The following PDE1C variants were observed in gnomAD, a reference collection of about 807,000 sequenced individuals.
PDE1C encodes the protein dual specificity calcium/calmodulin-dependent 3',5'-cyclic nucleotide phosphodiesterase 1C.
Under a neutral mutation model 93.1 loss-of-function variants are expected in PDE1C, and 62 were observed. The ratio of observed to expected loss-of-function variants is 0.67; its 90% CI spans 0.54 to 0.82. The LOEUF is 0.82. Among genes scored for constraint, PDE1C ranks in the 40% least tolerant of loss-of-function variants. The pLI is 0.00. For missense variants in PDE1C, 742 were observed against 884.6 expected (o/e 0.84, Z 2.04); for synonymous variants, 325 against 310.1 (o/e 1.05, Z -0.50).
chr7:32,138,001 A>G (rs1342528362), intron 3 of PDE1C, among the ~76,000 whole-genome samples: 1 of 152,136 alleles, frequency 6.6e-6, no homozygotes, highest in Non-Finnish European at 1.5e-5. Context: ...TTATTTTTGT[A>G]TTTTACAACT....
At chr7:31,642,222 G>T in the PDE1C span, 1 of 1,559,478 alleles carries the variant, frequency 6.4e-7, no homozygotes, top group Non-Finnish European at 8.7e-7. Flanking sequence ...ACAGCAGCGG[G>T]TTCCTGGAGG....
chr7:32,149,798 A>T (rs766286107), intron 3 of PDE1C, among the ~76,000 whole-genome samples: 2 of 152,190 alleles, frequency 1.3e-5, no homozygotes, highest in Non-Finnish European at 2.9e-5. Context: ...TTCCATGTGC[A>T]TGTATCACTT....
chr7:31,742,996 A>C, the PDE1C span, among the ~76,000 whole-genome samples: 3 of 152,124 alleles, frequency 2.0e-5, no homozygotes, highest in Admixed American at 6.5e-5. Flanking sequence ...TCCCAAGTTC[A>C]TAACAAATCT....
At chr7:32,229,346 T>A (rs1051850077) in intron 1 of PDE1C, among the ~76,000 whole-genome samples, 8 of 152,204 alleles carry the variant, frequency 5.3e-5, no homozygotes, top group Non-Finnish European at 1.0e-4. Context: ...GGAGCACTTG[T>A]CACATCATAG....
the PDE1C span, among the ~76,000 whole-genome samples, chr7:31,701,874 G>A: frequency 6.6e-6 from 1 of 152,348 alleles, no homozygotes; most frequent in East Asian, 1.9e-4. Flanking sequence ...TTCACATTTA[G>A]TAGGCTACAG....
rs375351662 is a variant in PDE1C at position 31,792,501 on chromosome 7, A to G, written c.1891+16530T>C. 2.7e-3 allele frequency among the ~76,000 whole-genome samples: 418 copies of G among 152,250 alleles called. 4 individuals are homozygous for G. The highest frequency in any genetic ancestry group is 9.5e-3 in the African/African-American group (394 of 41,550). On this transcript the variant is annotated intron_variant, in intron 16 of 17. Transcript: ENST00000396191. ...TTTAAAAGAAAATAATAAACACACCAATTATATATTTTATTCAATAGTAAG... is the reference window on the plus strand; with the variant it reads ...TTTAAAAGAAAATAATAAACACACCGATTATATATTTTATTCAATAGTAAG...
chr7:31,829,535 A>G (rs1206093554), intron 11 of PDE1C, among the ~76,000 whole-genome samples: 1 of 152,166 alleles, frequency 6.6e-6, no homozygotes, highest in Non-Finnish European at 1.5e-5. Flanking sequence ...CTTCTAAGGC[A>G]TGCTACCAAA....
At chr7:32,176,613 AAAT>A (rs1803006895) in intron 2 of PDE1C, among the ~76,000 whole-genome samples, 1 of 152,238 alleles carries the variant, frequency 6.6e-6, no homozygotes, top group Non-Finnish European at 1.5e-5. Context: ...TTATAATGGA[AAAT>A]AATGATTAAT....
intron 2 of PDE1C, among the ~76,000 whole-genome samples, chr7:32,049,582 C>T (rs1029521490): frequency 1.3e-5 from 2 of 152,106 alleles, no homozygotes; most frequent in Admixed American, 6.6e-5. Context: ...GACCATGCAA[C>T]ACAGGAATCT....
At chr7:32,096,359 A>G (rs547678658) in intron 3 of PDE1C, among the ~76,000 whole-genome samples, 41 of 152,360 alleles carry the variant, frequency 2.7e-4, no homozygotes, top group African/African-American at 9.9e-4. Context: ...AAGTCAGACA[A>G]CAGAATGCTA....
At chr7:32,334,459 T>C (rs1783574348) in intron 1 of PDE1C, among the ~76,000 whole-genome samples, 1 of 152,134 alleles carries the variant, frequency 6.6e-6, no homozygotes, top group Admixed American at 6.5e-5. Flanking sequence ...CCATAGGTTA[T>C]TGGGGTACAG....
the PDE1C span, chr7:31,651,195 G>A: frequency 1.2e-6 from 2 of 1,613,658 alleles, no homozygotes; most frequent in South Asian, 2.2e-5. Flanking sequence ...GTTTCCGGGA[G>A]TATTTAGAAG....
At chr7:32,203,894 C>T (rs10248512) in intron 2 of PDE1C, among the ~76,000 whole-genome samples, 51,272 of 151,984 alleles carry the variant, frequency 0.34, 9,238 homozygotes, top group Admixed American at 0.46. Context: ...ATTCGCTCTC[C>T]CTGTGGATCT....
intron 1 of PDE1C, among the ~76,000 whole-genome samples, chr7:32,237,719 C>T (rs1045221735): frequency 7.2e-5 from 10 of 138,778 alleles, no homozygotes; most frequent in African/African-American, 2.7e-4. Flanking sequence ...ATAAGGATAG[C>T]CACTATCCGC....
chr7:32,252,706 C>A (rs910985325), intron 1 of PDE1C, among the ~76,000 whole-genome samples: 1 of 152,182 alleles, frequency 6.6e-6, no homozygotes, highest in Non-Finnish European at 1.5e-5. Context: ...TCAGGCCTCG[C>A]AGCCCAGTGC....
the PDE1C span, chr7:31,643,684 T>C: frequency 6.2e-7 from 1 of 1,614,046 alleles, no homozygotes; most frequent in Non-Finnish European, 8.5e-7. Flanking sequence ...CAACAAGACC[T>C]TGACACATGG....
intron 1 of PDE1C, among the ~76,000 whole-genome samples, chr7:32,424,655 T>C (rs1583438957): frequency 2.0e-5 from 3 of 151,978 alleles, no homozygotes; most frequent in Non-Finnish European, 1.5e-5. Flanking sequence ...AAAATAGATA[T>C]ATATAAATTA....
chr7:31,926,634 G>C (rs1229277514), intron 2 of PDE1C, among the ~76,000 whole-genome samples: 1 of 152,158 alleles, frequency 6.6e-6, no homozygotes, highest in Non-Finnish European at 1.5e-5. Flanking sequence ...GCAGCCCATA[G>C]TGGGCCAGCA....
intron 2 of PDE1C, among the ~76,000 whole-genome samples, chr7:31,917,623 C>T (rs146053317): frequency 1.7e-3 from 257 of 152,020 alleles, no homozygotes; most frequent in African/African-American, 6.0e-3. Context: ...AAAAACTGAA[C>T]TAACAAGAGA....
Sources: allele counts gnomAD v4.1 joint callset (sites outside exome capture counted in the v4.1 genomes callset), GRCh38; gene constraint gnomAD v4.1.1; transcripts MANE v1.5; gene names NCBI Gene and HGNC (gene_info 2026-07-23, HGNC 2026-07-21).